Variants in ANKRD44 observed in about 807,000 individuals in gnomAD.
ANKRD44 encodes serine/threonine-protein phosphatase 6 regulatory ankyrin repeat subunit B.
ANKRD44 carries 35 observed loss-of-function variants against 116.0 expected under a neutral mutation model. The ratio of observed to expected loss-of-function variants is 0.30; its 90% CI spans 0.23 to 0.40. The LOEUF (loss-of-function observed/expected upper bound fraction) is 0.40. Among genes scored for constraint, ANKRD44 ranks in the 10% least tolerant of loss-of-function variants. The probability of loss-of-function intolerance (pLI) is 1.00; values close to 1 mark genes in which losing one functional copy is unlikely to be tolerated. For synonymous variants in ANKRD44, 435 were observed against 461.8 expected (o/e 0.94, Z 0.74); for missense variants, 1,014 against 1,242.6 (o/e 0.82, Z 2.77).
chr2:197,239,642 A>G (rs918595180), intron 1 of ANKRD44, among the ~76,000 whole-genome samples: 3 of 152,204 alleles, frequency 2.0e-5, no homozygotes, highest in Admixed American at 6.5e-5. Context: ...AAGATAACCA[A>G]CTGTCACTGA....
intron 13 of ANKRD44, among the ~76,000 whole-genome samples, chr2:197,085,537 C>A (rs554346085): frequency 6.6e-6 from 1 of 152,228 alleles, no homozygotes; most frequent in South Asian, 2.1e-4. Context: ...AGTAAAGAAG[C>A]CGGTCAAAAC....
At chr2:197,152,997 G>T (rs902709716) in intron 2 of ANKRD44, among the ~76,000 whole-genome samples, 4 of 151,998 alleles carry the variant, frequency 2.6e-5, no homozygotes, top group African/African-American at 9.7e-5. Flanking sequence ...CAGATGGATG[G>T]CTTAAGCCCA....
At chr2:197,038,091 C>T (rs560089078) in intron 16 of ANKRD44, among the ~76,000 whole-genome samples, 2 of 152,246 alleles carry the variant, frequency 1.3e-5, no homozygotes, top group East Asian at 1.9e-4. Flanking sequence ...TGGCATTATA[C>T]ATTTTTCCAA....
At chr2:197,309,504 T>C (rs1219281683) in intron 1 of ANKRD44, among the ~76,000 whole-genome samples, 1 of 152,224 alleles carries the variant, frequency 6.6e-6, no homozygotes, top group Non-Finnish European at 1.5e-5. Context: ...CAAGATGTTC[T>C]GGCTGGATAC....
chr2:196,970,598 C>G (rs1235521507), intron 21 of ANKRD44, among the ~76,000 whole-genome samples: 2 of 152,090 alleles, frequency 1.3e-5, no homozygotes, highest in African/African-American at 2.4e-5. Flanking sequence ...TACCCACCCC[C>G]CCAATCCTTA....
chr2:197,228,121 A>G (rs367815672), intron 1 of ANKRD44, among the ~76,000 whole-genome samples: 61 of 152,328 alleles, frequency 4.0e-4, no homozygotes, highest in Admixed American at 9.8e-4. Flanking sequence ...CATCTGTACA[A>G]TGGAAATTAT....
At chr2:197,187,753 T>C (rs1405156134) in intron 1 of ANKRD44, among the ~76,000 whole-genome samples, 1 of 151,976 alleles carries the variant, frequency 6.6e-6, no homozygotes, top group Non-Finnish European at 1.5e-5. Flanking sequence ...AGTGAAAACG[T>C]GGCCGTTGGT....
intron 16 of ANKRD44, among the ~76,000 whole-genome samples, chr2:197,060,190 C>A (rs1002138217): frequency 1.3e-5 from 2 of 152,120 alleles, no homozygotes; most frequent in Non-Finnish European, 2.9e-5. Context: ...TATTAACATG[C>A]CAACTCCCAC....
chr2:197,246,979 G>A (rs1238769364), intron 1 of ANKRD44, among the ~76,000 whole-genome samples: 2 of 152,094 alleles, frequency 1.3e-5, no homozygotes, highest in Admixed American at 6.5e-5. Flanking sequence ...ATTCGAGCCT[G>A]GCAACCAGGT....
At chr2:197,047,266 C>T (rs1170299069) in intron 16 of ANKRD44, among the ~76,000 whole-genome samples, 7 of 152,162 alleles carry the variant, frequency 4.6e-5, no homozygotes, top group South Asian at 2.1e-4. Flanking sequence ...GTGATCCACC[C>T]GCCTCGGCCT....
At chr2:197,008,505 T>C (rs532542018) in intron 19 of ANKRD44, among the ~76,000 whole-genome samples, 1 of 152,300 alleles carries the variant, frequency 6.6e-6, no homozygotes, top group Non-Finnish European at 1.5e-5. Flanking sequence ...GTGGGGAATA[T>C]GCCAACAGAA....
At chr2:197,099,239 T>G (rs1229704994) in intron 10 of ANKRD44, among the ~76,000 whole-genome samples, 1 of 152,196 alleles carries the variant, frequency 6.6e-6, no homozygotes, top group Non-Finnish European at 1.5e-5. Context: ...ATATATGATC[T>G]TGCATGGTTC....
chr2:197,131,273 G>C (rs925056270), intron 4 of ANKRD44, among the ~76,000 whole-genome samples: 162 of 150,262 alleles, frequency 1.1e-3, no homozygotes, highest in Non-Finnish European at 1.8e-3. Context: ...CTCACTGCAA[G>C]CTCCGCCTCC....
At chr2:197,198,971 GT>G (rs746303819) in intron 1 of ANKRD44, 7 of 152,254 alleles carry the variant, frequency 4.6e-5, no homozygotes, top group Non-Finnish European at 1.0e-4. Flanking sequence ...AGCACCGGAA[GT>G]TCTGCAGCAC....
At chr2:197,310,295 C>T (rs1257838667) in intron 1 of ANKRD44, among the ~76,000 whole-genome samples, 1 of 149,146 alleles carries the variant, frequency 6.7e-6, no homozygotes, top group African/African-American at 2.4e-5. Context: ...TCCCCAGCCC[C>T]GCCGGGCCCG....
chr2:197,016,134 C>G (rs1291794332), intron 17 of ANKRD44: 3 of 322,458 alleles, frequency 9.3e-6, no homozygotes, highest in African/African-American at 2.2e-5. Context: ...AAATCTGCCA[C>G]AGGAATGATC....
At chr2:197,279,763 T>C (rs2083209683) in intron 1 of ANKRD44, among the ~76,000 whole-genome samples, 1 of 152,196 alleles carries the variant, frequency 6.6e-6, no homozygotes, top group African/African-American at 2.4e-5. Context: ...CTGGATGTGC[T>C]CACTCTCCTG....
chr2:197,265,294 T>G (rs956618051), intron 1 of ANKRD44, among the ~76,000 whole-genome samples: 1 of 151,634 alleles, frequency 6.6e-6, no homozygotes, highest in Non-Finnish European at 1.5e-5. Context: ...TCAGCCAGGC[T>G]GAAGTGCAGT....
chr2:197,243,002 A>T (rs1237964967), intron 1 of ANKRD44, among the ~76,000 whole-genome samples: 1 of 152,256 alleles, frequency 6.6e-6, no homozygotes, highest in Non-Finnish European at 1.5e-5. Context: ...TTAATCGCTT[A>T]GGAAAATTAT....
Sources: allele counts gnomAD v4.1 joint callset (sites outside exome capture counted in the v4.1 genomes callset), GRCh38; gene constraint gnomAD v4.1.1; transcripts MANE v1.5; gene names NCBI Gene and HGNC (gene_info 2026-07-23, HGNC 2026-07-21).